WDR36: variants seen among roughly 807,000 people sequenced by gnomAD.
WDR36 encodes WD repeat domain 36, also known as WD repeat-containing protein 36.
WDR36 carries 63 observed loss-of-function variants against 112.7 expected under a neutral mutation model. That is an observed-to-expected ratio of 0.56 (90% CI 0.46 to 0.69). The LOEUF is 0.69. Ranked by LOEUF, WDR36 falls within the 30% of genes least tolerant of loss-of-function variation. WDR36 has a pLI of 0.00. For synonymous variants in WDR36, 410 were observed against 362.2 expected (o/e 1.13, Z -1.50); for missense variants, 1,226 against 1,070.3 (o/e 1.15, Z -2.03).
chr5:111,117,337 T>G (rs1356838547), intron 16 of WDR36, among the ~76,000 whole-genome samples: 1 of 152,176 alleles, frequency 6.6e-6, no homozygotes, highest in Non-Finnish European at 1.5e-5. Context: ...TTGGCTCTTT[T>G]AGCAAATTGA....
At chr5:111,108,237 GTTTTGTTTTGT>G (rs1367704088) in intron 12 of WDR36, among the ~76,000 whole-genome samples, 1 of 150,182 alleles carries the variant, frequency 6.7e-6, no homozygotes, top group East Asian at 1.9e-4. Context: ...GAGTTTTTTT[GTTTTGTTTTGT>G]TTTTGTTTTG....
chr5:111,121,281 T>C, intron 19 of WDR36, 140 bp downstream of exon 19: 1 of 861,312 alleles, frequency 1.2e-6, no homozygotes, highest in Non-Finnish European at 1.8e-6. Context: ...TGCTATTTAA[T>C]CAAATATTGT....
At chr5:111,124,946 G>A (rs1753648054) in intron 21 of WDR36, among the ~76,000 whole-genome samples, 1 of 152,108 alleles carries the variant, frequency 6.6e-6, no homozygotes, top group African/African-American at 2.4e-5. Flanking sequence ...TTTTGTCATT[G>A]GTGATACTCT....
chr5:111,119,759 A>T (rs1265342595), intron 17 of WDR36, among the ~76,000 whole-genome samples: 2 of 152,120 alleles, frequency 1.3e-5, no homozygotes, highest in Admixed American at 1.3e-4. Context: ...ATTTGAAGAT[A>T]CAAAGGGAAT....
At chr5:111,125,423 C>T (rs1469865200) in intron 21 of WDR36, among the ~76,000 whole-genome samples, 185 bp from the exon 22 acceptor site, 1 of 152,050 alleles carries the variant, frequency 6.6e-6, no homozygotes, top group Non-Finnish European at 1.5e-5. Flanking sequence ...ATATTGGTGT[C>T]ATCGTTTGTA....
intron 8 of WDR36, 137 bp from the exon 9 acceptor site, chr5:111,104,560 C>CTCCCTCCCTT: frequency 7.0e-7 from 1 of 1,418,692 alleles, no homozygotes; most frequent in South Asian, 1.2e-5. Context: ...CCAATACCCA[C>CTCCCTCCCTT]TCCCTCCCTT....
At chr5:111,101,301 G>A (rs1466873879) in intron 5 of WDR36, among the ~76,000 whole-genome samples, 1 of 151,852 alleles carries the variant, frequency 6.6e-6, no homozygotes, top group Non-Finnish European at 1.5e-5. Flanking sequence ...GTAAAGAATT[G>A]CTATAGAGAA....
Position 111,104,601 on chromosome 5 carries a change from C to T in WDR36, c.907-96C>T, listed in dbSNP as rs1289647947. ...TCCAGAGTCAGTGGCTTAGCAAGCA[C>T]TACTCAATACCAGTTGATTTATGTA... On this transcript the variant is annotated intron_variant, in intron 8 of 22. Transcript: ENST00000513710. The T allele has an allele frequency of 6.3e-6, 10 of 1,582,386 alleles. No homozygotes were observed. In the Admixed American group the frequency reaches 1.5e-4, roughly 24 times the overall value.
chr5:111,110,742 C>T (rs1430851978), intron 13 of WDR36, 46 bp from the exon 14 acceptor site: 2 of 1,582,452 alleles, frequency 1.3e-6, no homozygotes, highest in Admixed American at 1.7e-5. Flanking sequence ...CAGAGAGAAA[C>T]ACTGCCAATT....
rs768570594 is a variant in WDR36, at chr5:111,092,440, C to G, written c.-17C>G. 4 of 1,614,226 alleles carry G rather than the reference C, an allele frequency of 2.5e-6. No individual in the cohort carries two copies. The highest frequency in any genetic ancestry group is 2.2e-5 in the East Asian group (1 of 44,888). On this transcript the variant is annotated 5_prime_UTR_variant, in exon 1 of 23. Transcript: ENST00000513710. ...CCTTCAGGACCAGAGCTGAGAGGAGCTGGGATCGCGGCGGCAATGGAACGG... is the reference window on the plus strand; with the variant it reads ...CCTTCAGGACCAGAGCTGAGAGGAGGTGGGATCGCGGCGGCAATGGAACGG...
chr5:111,110,813 C>A lies in WDR36; in HGVS notation c.1467C>A (p.Val489=). The change falls in exon 14 of 23, where the codon GTC becomes GTA. Residue 489 remains valine (V), a synonymous_variant. Coordinates refer to ENST00000513710, the MANE Select transcript of WDR36 (RefSeq NM_139281.3). ...DQAHKGSVRG[V]AVDGLNQLTV... is the part of the protein sequence containing the mutation. ...CTCACAAGGGATCTGTTAGAGGTGT[C>A]GCAGTGGATGGATTAAACCAGTTGA... 1 of 1,610,818 alleles carries A rather than the reference C, an allele frequency of 6.2e-7. No homozygotes were observed. The highest frequency in any genetic ancestry group is 8.5e-7 in the Non-Finnish European group (1 of 1,178,060).
At chr5:111,101,656 C>G (rs1753123887) in intron 5 of WDR36, among the ~76,000 whole-genome samples, 1 of 151,688 alleles carries the variant, frequency 6.6e-6, no homozygotes, top group East Asian at 1.9e-4. Context: ...AAATATTTGA[C>G]CATCCAAATT....
At position 111,111,109 on chromosome 5, in the gene WDR36, G is replaced by A. The variant is rs553521885; in HGVS notation, c.1608-61G>A. 1.9e-4 allele frequency: 302 copies of A among 1,567,426 alleles called. 2 individuals carry two copies. The South Asian group carries it at 3.0e-3, about 16-fold the overall frequency. The stretch of plus-strand genomic sequence containing the variant: ...TACTTGATTTAACAAAATTCAAGTG[G>A]AGGTGAGATTTTAGTTCAAGGGTTT... On this transcript the variant is annotated intron_variant, in intron 14 of 22. Coordinates refer to ENST00000513710, the MANE Select transcript of WDR36 (RefSeq NM_139281.3).
At chr5:111,117,949 C>A (rs911126359) in intron 16 of WDR36, among the ~76,000 whole-genome samples, 2 of 152,120 alleles carry the variant, frequency 1.3e-5, no homozygotes, top group South Asian at 4.1e-4. Flanking sequence ...CCTCTTTTCA[C>A]TTCCTGCTAC....
chr5:111,106,964 T>C (rs895958897), intron 11 of WDR36, among the ~76,000 whole-genome samples: 1 of 151,428 alleles, frequency 6.6e-6, no homozygotes, highest in Non-Finnish European at 1.5e-5. Context: ...CCAAATCTCC[T>C]GAGTGGTCTT....
intron 19 of WDR36, 91 bp downstream of exon 19, chr5:111,121,232 C>A: frequency 7.2e-7 from 1 of 1,388,336 alleles, no homozygotes; most frequent in Non-Finnish European, 1.0e-6. Flanking sequence ...ACATTGAGGG[C>A]ATTAGAAGAG....
chr5:111,112,867 A>C (rs1753369682), intron 15 of WDR36, among the ~76,000 whole-genome samples: 1 of 151,252 alleles, frequency 6.6e-6, no homozygotes, highest in South Asian at 2.1e-4. Flanking sequence ...AGTGGTATTT[A>C]GGAAGTGGTA....
Position 111,121,040 on chromosome 5 carries a change from A to G in WDR36, c.2047A>G (p.Ile683Val). 1 of 1,613,576 alleles carries G rather than the reference A, an allele frequency of 6.2e-7. No individual in the cohort carries two copies. ...EETVEPSDEL[I>V]EYDSPEQLNE... Reference sequence around the variant, plus strand: ...AACAGTAGAACCAAGTGATGAATTGATAGAATATGATTCGCCAGAACAGTT... The same window carrying G: ...AACAGTAGAACCAAGTGATGAATTGGTAGAATATGATTCGCCAGAACAGTT... Residue 683 changes from isoleucine (I) to valine (V), a missense_variant, in exon 19 of 23, where the codon ATA (isoleucine) becomes GTA (valine). Transcript: ENST00000513710.
At position 111,110,854 on chromosome 5, in the gene WDR36, G is replaced by A; in HGVS notation, c.1508G>A (p.Ser503Asn). The change falls in exon 14 of 23, where the codon AGT becomes AAT. Residue 503 changes from serine to asparagine, a missense_variant. Physicochemically the swap from Ser to Asn is conservative, Grantham distance 46. Coordinates refer to ENST00000513710, the MANE Select transcript of WDR36 (RefSeq NM_139281.3). ...AACCAGTTGACAGTTACAACTGGTA[G>A]TGAAGGATTACTCAAATTCTGGAAC... Reference protein sequence around the residue: ...GLNQLTVTTGSEGLLKFWNFK... With the variant: ...GLNQLTVTTGNEGLLKFWNFK... 6.2e-7 allele frequency: 1 copy of A among 1,611,576 alleles called. No homozygotes were observed.
Sources: gnomAD v4.1 joint callset for allele counts (sites outside exome capture counted in the v4.1 genomes callset) on GRCh38, gnomAD v4.1.1 for gene constraint, MANE v1.5 for transcripts, NCBI Gene and HGNC (gene_info 2026-07-23, HGNC 2026-07-21) for gene names.